Variants in SIRT5 observed in about 807,000 individuals in gnomAD.
SIRT5 encodes the protein sirtuin 5, also known as NAD-dependent protein deacylase sirtuin-5, mitochondrial.
In SIRT5, 26 loss-of-function variants were observed where a neutral mutation model predicts 40.0. The observed-to-expected ratio is 0.65, with a 90% CI of 0.48 to 0.90. SIRT5 has a LOEUF of 0.90. Ranked by LOEUF, SIRT5 falls within the 40% of genes least tolerant of loss-of-function variation. The probability of loss-of-function intolerance (pLI) is 0.00; values close to 1 mark genes in which losing one functional copy is unlikely to be tolerated. For synonymous variants in SIRT5, 146 were observed against 149.1 expected (o/e 0.98, Z 0.15); for missense variants, 401 against 402.4 (o/e 1.00, Z 0.03).
intron 9 of SIRT5, chr6:13,605,697 AC>A: frequency 8.1e-6 from 8 of 985,398 alleles, no homozygotes; most frequent in Non-Finnish European, 9.6e-6. Context: ...TTTCTGATAA[AC>A]CCTGACTATT....
At chr6:13,583,580 C>A (rs1268082493) in intron 2 of SIRT5, among the ~76,000 whole-genome samples, 1 of 152,190 alleles carries the variant, frequency 6.6e-6, no homozygotes, top group Non-Finnish European at 1.5e-5. Context: ...AGGCGTGAGC[C>A]ACTGCACCTG....
At chr6:13,575,587 T>C (rs1758518663) in intron 1 of SIRT5, among the ~76,000 whole-genome samples, 1 of 152,036 alleles carries the variant, frequency 6.6e-6, no homozygotes, top group South Asian at 2.1e-4. Context: ...TAGCGTACAG[T>C]GTAATGTTTT....
intron 6 of SIRT5, among the ~76,000 whole-genome samples, chr6:13,596,264 T>C (rs1185874554): frequency 2.0e-5 from 3 of 152,152 alleles, no homozygotes; most frequent in South Asian, 2.1e-4. Flanking sequence ...TGTACTATTA[T>C]TACAATGAGG....
chr6:13,611,516 C>CATGATT (rs1177351040), intron 9 of SIRT5, among the ~76,000 whole-genome samples: 5 of 151,914 alleles, frequency 3.3e-5, no homozygotes, highest in Non-Finnish European at 7.4e-5. Flanking sequence ...GTCTCTTACA[C>CATGATT]TTTGAAATAA....
chr6:13,591,680 T>C lies in SIRT5; in HGVS notation c.261T>C (p.Thr87=). 6.4e-7 allele frequency: 1 copy of C among 1,571,132 alleles called. No homozygotes were observed. Among genetic ancestry groups the C allele is most frequent in the Admixed American group, 1.8e-5 (1 of 56,336 alleles). The change falls in exon 5 of 10, where the codon ACT becomes ACC. Residue 87 remains threonine (T), a synonymous_variant. Coordinates refer to ENST00000606117, the MANE Select transcript of SIRT5 (RefSeq NM_012241.5). ...TCTCCCACTCCCAGGACCTGGCGAC[T>C]CCCCTGGCCTTTGCCCACAACCCGT... ...WRKWQAQDLA[T]PLAFAHNPSR... is the part of the protein sequence containing the mutation.
intron 2 of SIRT5, among the ~76,000 whole-genome samples, chr6:13,581,474 A>G (rs1484635010): frequency 6.6e-6 from 1 of 152,190 alleles, no homozygotes; most frequent in Non-Finnish European, 1.5e-5. Flanking sequence ...TGGAGTCGCC[A>G]TGTCTTATTA....
intron 9 of SIRT5, chr6:13,605,613 C>A: frequency 1.0e-6 from 1 of 985,420 alleles, no homozygotes; most frequent in Non-Finnish European, 1.2e-6. Flanking sequence ...GAATGTATTT[C>A]TATTTTCAAG....
In SIRT5 at chr6:13,608,821, A is replaced by AT. The variant is rs144601335; in HGVS notation, c.858-2955dup. On this transcript the variant is annotated intron_variant, in intron 9 of 9. Transcript: ENST00000606117. ...TTCCAAACAAGTAAAATTTTATTGG[A>AT]TTTTTTTTTTTTTTCTTTGAGATGG... 2.0e-3 allele frequency among the ~76,000 whole-genome samples: 291 copies of AT among 146,402 alleles called. 1 individual carries two copies. Among genetic ancestry groups the AT allele is most frequent in the Middle Eastern group, 7.2e-3 (2 of 276 alleles).
At chr6:13,592,173 C>T (rs980382910) in intron 5 of SIRT5, among the ~76,000 whole-genome samples, 18 of 152,188 alleles carry the variant, frequency 1.2e-4, no homozygotes, top group African/African-American at 4.1e-4. Context: ...CATTTGGCGT[C>T]CCCCAAGAAC....
At chr6:13,601,155 C>A (rs1033325838) in intron 9 of SIRT5, among the ~76,000 whole-genome samples, 1 of 152,256 alleles carries the variant, frequency 6.6e-6, no homozygotes. Flanking sequence ...GCGAAATTTG[C>A]CGTGGGACTT....
rs760978587 is a variant in SIRT5, at chr6:13,597,011, T to C, written c.612T>C (p.Leu204=). 2 of 1,611,230 alleles carry C rather than the reference T, an allele frequency of 1.2e-6. No homozygotes were observed. Among genetic ancestry groups the C allele is most frequent in the Non-Finnish European group, 1.7e-6 (2 of 1,179,180 alleles). ...TQDASIPVEK[L]PRCEEAGCGG... is the part of the protein sequence containing the mutation. ...ATGCCAGCATCCCAGTTGAGAAACT[T>C]CCCCGGTAGGTAGAAAACTCTGATT... is the stretch of plus-strand genomic sequence containing the variant. The change falls in exon 7 of 10, where the codon CTT becomes CTC. Residue 204 remains leucine (L), a synonymous_variant. Transcript: ENST00000606117.
intron 3 of SIRT5, 45 bp from the exon 4 acceptor site, chr6:13,588,286 T>C (rs1156281827): frequency 1.3e-6 from 2 of 1,592,770 alleles, no homozygotes; most frequent in East Asian, 4.5e-5. Flanking sequence ...GGGATACAAA[T>C]GTCCAAACTG....
At chr6:13,576,002 CTG>C (rs1236721108) in intron 1 of SIRT5, among the ~76,000 whole-genome samples, 9 of 152,194 alleles carry the variant, frequency 5.9e-5, no homozygotes, top group African/African-American at 2.2e-4. Context: ...TGTTTTAAGA[CTG>C]TATAGTATTC....
At chr6:13,584,299 T>C in intron 3 of SIRT5, 74 bp downstream of exon 3, 2 of 1,098,242 alleles carry the variant, frequency 1.8e-6, no homozygotes, top group Non-Finnish European at 2.8e-6. Context: ...TCGAGAGGAA[T>C]GTCTCTGTCA....
chr6:13,601,023 C>G, intron 9 of SIRT5, 74 bp downstream of exon 9: 1 of 1,118,180 alleles, frequency 8.9e-7, no homozygotes. Context: ...CATAGTTGAC[C>G]TACTCCTCTA....
intron 8 of SIRT5, among the ~76,000 whole-genome samples, chr6:13,600,316 C>T (rs1027185554): frequency 2.0e-5 from 3 of 152,050 alleles, no homozygotes; most frequent in African/African-American, 4.8e-5. Flanking sequence ...TGAGAAAAGC[C>T]GGTTTACAAA....
chr6:13,584,083 C>T lies in SIRT5; in HGVS notation c.-28C>T, dbSNP rs142111138. 689 of 1,548,076 alleles carry T rather than the reference C, an allele frequency of 4.5e-4. 2 individuals are homozygous for T. In the East Asian group the frequency reaches 0.013, roughly 30 times the overall value. ...TTTGTGATTTTTCTAAAGCCCGCCT[C>T]AAGCATTAGAACTACAGACAAACCC... On this transcript the variant is annotated 5_prime_UTR_variant, in exon 3 of 10. Coordinates refer to ENST00000606117, the MANE Select transcript of SIRT5 (RefSeq NM_012241.5).
intron 9 of SIRT5, among the ~76,000 whole-genome samples, chr6:13,608,606 A>G (rs1165100447): frequency 6.6e-6 from 1 of 151,620 alleles, no homozygotes; most frequent in African/African-American, 2.4e-5. Flanking sequence ...AAAAAGAGAG[A>G]GAGAAAGAAA....
At chr6:13,597,303 G>T (rs766683776) in intron 7 of SIRT5, among the ~76,000 whole-genome samples, 50 of 151,986 alleles carry the variant, frequency 3.3e-4, no homozygotes, top group Non-Finnish European at 1.5e-4. Context: ...GTTACCCAGT[G>T]TACAGAAAGC....
Sources: allele counts gnomAD v4.1 joint callset (sites outside exome capture counted in the v4.1 genomes callset), GRCh38; gene constraint gnomAD v4.1.1; transcripts MANE v1.5; gene names NCBI Gene and HGNC (gene_info 2026-07-23, HGNC 2026-07-21).